Variants in GPHN observed in about 807,000 individuals in gnomAD.
The protein encoded by GPHN is gephyrin.
Under a neutral mutation model 95.5 loss-of-function variants are expected in GPHN, and 17 were observed. The ratio of observed to expected loss-of-function variants is 0.18; its 90% CI spans 0.12 to 0.27. GPHN has a LOEUF of 0.27. Among genes scored for constraint, GPHN ranks in the 10% least tolerant of loss-of-function variants. The probability of loss-of-function intolerance (pLI) is 1.00; values close to 1 mark genes in which losing one functional copy is unlikely to be tolerated. For missense variants in GPHN, 660 were observed against 978.1 expected, an observed-to-expected ratio of 0.67 and a Z score of 4.34; for synonymous variants, 320 against 322.5, an observed-to-expected ratio of 0.99 and a Z score of 0.08.
At chr14:66,527,076 T>C (rs2058720727) in intron 1 of GPHN, among the ~76,000 whole-genome samples, 1 of 152,212 alleles carries the variant, frequency 6.6e-6, no homozygotes, top group South Asian at 2.1e-4. Flanking sequence ...GTACTTCTGG[T>C]AGAATTCAGC....
At chr14:66,999,979 AT>A (rs2072104718) in intron 9 of GPHN, among the ~76,000 whole-genome samples, 2 of 151,818 alleles carry the variant, frequency 1.3e-5, no homozygotes, top group Admixed American at 1.3e-4. Flanking sequence ...AATGTCTTAG[AT>A]TTCCCAGTAG....
chr14:66,608,635 CA>C (rs2062648710), intron 1 of GPHN, among the ~76,000 whole-genome samples: 2 of 152,104 alleles, frequency 1.3e-5, no homozygotes, highest in South Asian at 4.2e-4. Flanking sequence ...TTTTCTAGGT[CA>C]AAAAGGACTT....
At chr14:66,999,922 G>A (rs1302662701) in intron 9 of GPHN, among the ~76,000 whole-genome samples, 1 of 151,658 alleles carries the variant, frequency 6.6e-6, no homozygotes, top group Non-Finnish European at 1.5e-5. Context: ...CATCCAAGTT[G>A]TCATGCTTTT....
chr14:67,198,890 A>G, the GPHN span: 1 of 686,538 alleles, frequency 1.5e-6, no homozygotes, highest in Non-Finnish European at 2.7e-6. Context: ...TAGGGGTCAT[A>G]CCTCTAAAGT....
chr14:66,600,695 A>G (rs2062191021), intron 1 of GPHN, among the ~76,000 whole-genome samples: 2 of 152,104 alleles, frequency 1.3e-5, no homozygotes, highest in Admixed American at 1.3e-4. Context: ...TAGGAACACT[A>G]GATAGCACTT....
intron 5 of GPHN, among the ~76,000 whole-genome samples, chr14:66,908,035 T>C (rs1399490810): frequency 6.6e-6 from 1 of 152,082 alleles, no homozygotes; most frequent in Non-Finnish European, 1.5e-5. Flanking sequence ...TATATATATA[T>C]GCACACACAG....
At chr14:67,639,325 TTTC>T in the GPHN span, among the ~76,000 whole-genome samples, 1 of 152,224 alleles carries the variant, frequency 6.6e-6, no homozygotes, top group Non-Finnish European at 1.5e-5. Context: ...TTTCCCTGTA[TTTC>T]TTCTTGGTCC....
At chr14:66,621,386 A>G (rs2063293889) in intron 1 of GPHN, among the ~76,000 whole-genome samples, 1 of 145,592 alleles carries the variant, frequency 6.9e-6, no homozygotes, top group African/African-American at 2.6e-5. Flanking sequence ...AAGTGCTGGG[A>G]TTACAGATGT....
the GPHN span, chr14:67,320,930 A>C: frequency 1.3e-6 from 1 of 753,164 alleles, no homozygotes; most frequent in Non-Finnish European, 2.2e-6. Flanking sequence ...GTAGGCACTT[A>C]GCATTTTCTC....
At chr14:66,583,269 A>T (rs1336046708) in intron 1 of GPHN, among the ~76,000 whole-genome samples, 3 of 151,922 alleles carry the variant, frequency 2.0e-5, no homozygotes, top group Admixed American at 6.6e-5. Context: ...GAGTTCATTG[A>T]AGATTCTGGA....
At chr14:66,820,087 A>G (rs1372667135) in intron 3 of GPHN, among the ~76,000 whole-genome samples, 2 of 152,176 alleles carry the variant, frequency 1.3e-5, no homozygotes, top group Non-Finnish European at 2.9e-5. Flanking sequence ...TATGTTAACT[A>G]TATGTTAAAC....
At chr14:67,722,838 G>A in the GPHN span, 2 of 830,266 alleles carry the variant, frequency 2.4e-6, no homozygotes, top group East Asian at 5.1e-5. Context: ...GGAAAAGCAG[G>A]AAGGAAGGGG....
the GPHN span, among the ~76,000 whole-genome samples, chr14:67,664,932 T>C: frequency 6.6e-6 from 1 of 152,216 alleles, no homozygotes; most frequent in African/African-American, 2.4e-5. Context: ...CGTGGCGTCA[T>C]CTCAGCTCAC....
chr14:67,624,579 CG>C, the GPHN span, among the ~76,000 whole-genome samples: 2 of 152,064 alleles, frequency 1.3e-5, no homozygotes, highest in African/African-American at 2.4e-5. Flanking sequence ...CACTTTTAAC[CG>C]GATCTCATGA....
At chr14:66,697,213 T>A (rs1341361842) in intron 2 of GPHN, among the ~76,000 whole-genome samples, 1 of 152,208 alleles carries the variant, frequency 6.6e-6, no homozygotes, top group African/African-American at 2.4e-5. Context: ...TTAGTTGGAT[T>A]TATACCAAAA....
chr14:67,632,808 A>ATTTT, the GPHN span, among the ~76,000 whole-genome samples: 282 of 62,420 alleles, frequency 4.5e-3, 19 homozygotes, highest in Admixed American at 6.4e-3. Context: ...AAGCCTCTTA[A>ATTTT]TTTTTTTTTT....
chr14:66,928,777 C>A (rs967736093), intron 8 of GPHN, among the ~76,000 whole-genome samples: 1 of 152,160 alleles, frequency 6.6e-6, no homozygotes, highest in African/African-American at 2.4e-5. Context: ...CAGTGACCCA[C>A]TGGTCTTTCA....
chr14:67,485,669 G>T, the GPHN span, among the ~76,000 whole-genome samples: 7 of 152,198 alleles, frequency 4.6e-5, no homozygotes, highest in African/African-American at 1.7e-4. Context: ...CAGCCTTCAG[G>T]CCAGACAGGC....
the GPHN span, chr14:67,360,476 GT>G: frequency 2.8e-6 from 1 of 355,672 alleles, no homozygotes; most frequent in East Asian, 4.1e-5. Flanking sequence ...CCCAAGCTCG[GT>G]TTCTCCAGGA....
Sources: allele counts gnomAD v4.1 joint callset (sites outside exome capture counted in the v4.1 genomes callset), GRCh38; gene constraint gnomAD v4.1.1; transcripts MANE v1.5; gene names NCBI Gene and HGNC (gene_info 2026-07-23, HGNC 2026-07-21).